C3orf20: variants seen among roughly 807,000 people sequenced by gnomAD.
C3orf20 encodes uncharacterized protein C3orf20.
Under a neutral mutation model 88.3 loss-of-function variants are expected in C3orf20, and 76 were observed. That is an observed-to-expected ratio of 0.86 (90% confidence interval 0.72 to 1.04). The LOEUF is 1.04. Among genes scored for constraint, C3orf20 ranks in the 50% least tolerant of loss-of-function variants. C3orf20 has a pLI of 0.00. For missense variants in C3orf20, 1,056 were observed against 1,123.3 expected, an observed-to-expected ratio of 0.94 and a Z score of 0.86; for synonymous variants, 436 against 437.4, an observed-to-expected ratio of 1.00 and a Z score of 0.04.
intron 9 of C3orf20, among the ~76,000 whole-genome samples, chr3:14,720,535 T>TGG (rs2034116150): frequency 2.0e-4 from 1 of 4,990 alleles, no homozygotes; most frequent in Non-Finnish European, 5.3e-4. Context: ...CAGAGAGTGG[T>TGG]TGTTGTTGTT....
intron 12 of C3orf20, among the ~76,000 whole-genome samples, chr3:14,735,332 GT>G (rs898422793): frequency 3.6e-4 from 54 of 150,534 alleles, no homozygotes; most frequent in Non-Finnish European, 4.4e-4. Flanking sequence ...ATTAATGAAA[GT>G]TTTTTTTTAT....
intron 4 of C3orf20, among the ~76,000 whole-genome samples, chr3:14,687,315 G>T (rs1330405609): frequency 6.6e-6 from 1 of 152,166 alleles, no homozygotes; most frequent in East Asian, 1.9e-4. Flanking sequence ...AAGATAAAAT[G>T]TTATTTTCAT....
At position 14,703,187 on chromosome 3, in the gene C3orf20, C is replaced by A. The variant is rs2033347982; in HGVS notation, c.803C>A (p.Thr268Asn). 6.2e-7 allele frequency: 1 copy of A among 1,614,194 alleles called. No homozygotes were observed. The highest frequency in any genetic ancestry group is 2.2e-5 in the East Asian group (1 of 44,888). The change falls in exon 6 of 17, where the codon ACC (threonine) becomes AAC (asparagine). Residue 268 changes from threonine to asparagine, a missense_variant. By Grantham distance (65) the Thr-to-Asn change is moderately conservative. Transcript: ENST00000253697. ...CCGCCCCTGCATCGAGGAGTGGGAA[C>A]CCCTGCCAACAGCCTGGAGTTCAGC... Reference protein sequence around the residue: ...SMPPLHRGVGTPANSLEFSDP... With the variant: ...SMPPLHRGVGNPANSLEFSDP...
chr3:14,716,764 G>T (rs1189539357), intron 9 of C3orf20, among the ~76,000 whole-genome samples: 1 of 152,168 alleles, frequency 6.6e-6, no homozygotes, highest in Non-Finnish European at 1.5e-5. Flanking sequence ...GTCAGGAAGA[G>T]GTTCTCATCT....
intron 12 of C3orf20, among the ~76,000 whole-genome samples, chr3:14,729,187 G>T (rs952013581): frequency 2.0e-5 from 3 of 152,202 alleles, no homozygotes; most frequent in African/African-American, 7.2e-5. Flanking sequence ...TACAGAAAAT[G>T]TTGCCTGGCA....
chr3:14,757,259 A>G, intron 12 of C3orf20, 112 bp from the exon 13 acceptor site: 3 of 896,884 alleles, frequency 3.3e-6, no homozygotes, highest in Non-Finnish European at 5.1e-6. Flanking sequence ...CAGGGCCCAG[A>G]CTAAAATCTG....
At chr3:14,761,416 T>C (rs938982688) in intron 14 of C3orf20, 57 bp from the exon 15 acceptor site, 3 of 1,605,120 alleles carry the variant, frequency 1.9e-6, no homozygotes, top group African/African-American at 2.7e-5. Flanking sequence ...GTCTTATCAG[T>C]GGACACTGCT....
At chr3:14,761,735 G>A (rs1429882607) in intron 15 of C3orf20, 120 bp downstream of exon 15, 2 of 1,019,450 alleles carry the variant, frequency 2.0e-6, no homozygotes, top group Non-Finnish European at 2.9e-6. Flanking sequence ...GATGGAGTGG[G>A]GAGGGGGGCT....
chr3:14,698,778 C>G (rs1231157259), intron 5 of C3orf20, among the ~76,000 whole-genome samples: 1 of 152,194 alleles, frequency 6.6e-6, no homozygotes, highest in Non-Finnish European at 1.5e-5. Context: ...TACCTGACTA[C>G]TGCCTATATT....
intron 7 of C3orf20, 113 bp from the exon 8 acceptor site, chr3:14,713,894 G>T: frequency 8.7e-7 from 1 of 1,149,226 alleles, no homozygotes; most frequent in South Asian, 1.5e-5. Flanking sequence ...TTTGAAGATG[G>T]AGAATGATGC....
At position 14,772,317 on chromosome 3, in the gene C3orf20, C is replaced by A; in HGVS notation, c.2630+116C>A. On this transcript the variant is annotated intron_variant, in intron 16 of 16. Transcript: ENST00000253697. This position sits in a 1 kb window ranked among gnomAD's most constrained non-coding sequence, Gnocchi z 4.2. ...CGTGGCCTGGGTCATGTCCAACCAT[C>A]GCTGACATCTAGCCCATGTAATCAA... 2 of 1,314,016 alleles carry A rather than the reference C, an allele frequency of 1.5e-6. No individual in the cohort carries two copies. Among genetic ancestry groups the A allele is most frequent in the Non-Finnish European group, 2.1e-6 (2 of 934,888 alleles). 81.4% of individuals were successfully genotyped at this position (1,314,016 alleles called of 1,614,324 possible).
intron 12 of C3orf20, among the ~76,000 whole-genome samples, chr3:14,736,883 A>C (rs995683029): frequency 1.3e-5 from 2 of 152,088 alleles, no homozygotes; most frequent in African/African-American, 2.4e-5. Flanking sequence ...CTACATTTTG[A>C]GTGGTATTTT....
At chr3:14,730,323 A>C (rs2034497476) in intron 12 of C3orf20, among the ~76,000 whole-genome samples, 1 of 152,222 alleles carries the variant, frequency 6.6e-6, no homozygotes, top group East Asian at 1.9e-4. Context: ...CGAGGCGGGC[A>C]GATCACGAGG....
chr3:14,686,420 A>G, intron 4 of C3orf20, among the ~76,000 whole-genome samples: 1 of 152,190 alleles, frequency 6.6e-6, no homozygotes, highest in Non-Finnish European at 1.5e-5. Context: ...ACTGTTTTCC[A>G]TAATGGCAGC....
At chr3:14,717,744 G>A (rs925248689) in intron 9 of C3orf20, among the ~76,000 whole-genome samples, 1 of 152,020 alleles carries the variant, frequency 6.6e-6, no homozygotes, top group Non-Finnish European at 1.5e-5. Flanking sequence ...TGGCTTTCTT[G>A]AAGTGCATAT....
intron 11 of C3orf20, 50 bp from the exon 12 acceptor site, chr3:14,728,389 A>G: frequency 6.2e-7 from 1 of 1,607,540 alleles, no homozygotes; most frequent in Non-Finnish European, 8.5e-7. Context: ...CCAGGGGCAG[A>G]GGAGTCCTGG....
chr3:14,691,575 A>C (rs2124909002), intron 5 of C3orf20, among the ~76,000 whole-genome samples: 1 of 152,320 alleles, frequency 6.6e-6, no homozygotes, highest in African/African-American at 2.4e-5. Context: ...AAATATTAAG[A>C]TATTTTGAGG....
In C3orf20 at chr3:14,722,289, A is replaced by G. The variant is rs116825638; in HGVS notation, c.1566+505A>G. On this transcript the variant is annotated intron_variant, in intron 10 of 16. Coordinates refer to ENST00000253697, the MANE Select transcript of C3orf20 (RefSeq NM_032137.5). Reference sequence around the variant, plus strand: ...CCTAAACACTCCAGTAGAAATGCCAACATCAACACTCATTGGCTCTATTAA... The same window carrying G: ...CCTAAACACTCCAGTAGAAATGCCAGCATCAACACTCATTGGCTCTATTAA... 8.4e-3 allele frequency: 2,913 copies of G among 346,996 alleles called. 20 individuals are homozygous for G. Among genetic ancestry groups the G allele is most frequent in the Non-Finnish European group, 0.013 (2,272 of 174,646 alleles). 21.5% of individuals were successfully genotyped at this position (346,996 alleles called of 1,614,324 possible). A position where few individuals can be genotyped will look rare whatever the true frequency, so the allele number is the denominator to read the frequency against.
intron 5 of C3orf20, among the ~76,000 whole-genome samples, chr3:14,693,507 C>T (rs772285964): frequency 9.9e-5 from 15 of 152,124 alleles, no homozygotes; most frequent in Non-Finnish European, 2.1e-4. Context: ...CCACTGTTGG[C>T]ATATAGAAAT....
Sources: allele counts gnomAD v4.1 joint callset (sites outside exome capture counted in the v4.1 genomes callset), GRCh38; gene constraint gnomAD v4.1.1; non-coding constraint Gnocchi (gnomAD v3.1); transcripts MANE v1.5; gene names NCBI Gene and HGNC (gene_info 2026-07-23, HGNC 2026-07-21).